The following KIAA1549L variants were observed in gnomAD, a reference collection of about 807,000 sequenced individuals.
The protein encoded by KIAA1549L is UPF0606 protein KIAA1549L.
A neutral mutation model predicts 160.7 loss-of-function variants in KIAA1549L; 88 were observed. That is an observed-to-expected ratio of 0.55 (90% CI 0.46 to 0.65). The LOEUF is 0.65. KIAA1549L is among the 30% of genes least tolerant of loss of function. The pLI is 0.00. For missense variants in KIAA1549L, 2,258 were observed against 2,437.5 expected, an observed-to-expected ratio of 0.93 and a Z score of 1.55; for synonymous variants, 950 against 976.7, an observed-to-expected ratio of 0.97 and a Z score of 0.51.
chr11:33,544,451 G>C lies in KIAA1549L; in HGVS notation c.2773+115G>C, dbSNP rs577553157. 40 of 1,133,458 alleles carry C rather than the reference G, an allele frequency of 3.5e-5. No homozygotes were observed. The Middle Eastern group carries it at 1.2e-3, about 33-fold the overall frequency. The allele number at this position is 1,133,458 out of a possible 1,614,324, so 70.2% of individuals were successfully genotyped here. A position where few individuals can be genotyped will look rare whatever the true frequency, so the allele number is the denominator to read the frequency against. ...CAGATACCAGCTTTGCTCTGAAGGA[G>C]CTCATACCCCCGATCAGGAATGAGT... On this transcript the variant is annotated intron_variant, in intron 2 of 20. Transcript: ENST00000658780.
intron 1 of KIAA1549L, among the ~76,000 whole-genome samples, chr11:33,396,998 C>A (rs1350190378): frequency 6.6e-6 from 1 of 150,794 alleles, no homozygotes; most frequent in Non-Finnish European, 1.5e-5. Context: ...GTTTTAAGCT[C>A]TCCTCTGTTT....
intron 1 of KIAA1549L, among the ~76,000 whole-genome samples, chr11:33,416,954 G>C (rs947006309): frequency 2.0e-5 from 3 of 152,108 alleles, no homozygotes; most frequent in Non-Finnish European, 2.9e-5. Context: ...ATTTTATCAG[G>C]TGACATTAGA....
chr11:33,530,431 AAAAAAATATATATATATATATAT>A lies in KIAA1549L; in HGVS notation c.239-11369_239-11347del, dbSNP rs1327897451. ...AGAAGAAGGAAAAAAAAAAAAAAAA[AAAAAAATATATATATATATATAT>A]ATATATATATATATATATATATATA... is the stretch of plus-strand genomic sequence containing the variant. On this transcript the variant is annotated intron_variant, in intron 1 of 20. Transcript: ENST00000658780. 4.0e-3 allele frequency among the ~76,000 whole-genome samples: 52 copies of A among 12,894 alleles called. 3 individuals carry two copies. The South Asian group carries it at 0.04, about 10-fold the overall frequency. The allele number at this position is 12,894 out of a possible 152,430, so 8.5% of individuals were successfully genotyped here. A position where few individuals can be genotyped will look rare whatever the true frequency, so the allele number is the denominator to read the frequency against.
In KIAA1549L at chr11:33,524,560, A is replaced by C. The variant is rs981609504; in HGVS notation, c.239-17242A>C. On this transcript the variant is annotated intron_variant, in intron 1 of 20. Transcript: ENST00000658780. ...ATATGAATAAAGAGTTTCTTCTAAA[A>C]AGTCTCTTTTAAAATTAAAACATTT... Among the ~76,000 whole-genome samples, 5 of 152,234 alleles carry C rather than the reference A, an allele frequency of 3.3e-5. No individual in the cohort carries two copies. In the East Asian group the frequency reaches 9.6e-4, roughly 29 times the overall value.
chr11:33,582,352 C>T (rs528953388), intron 10 of KIAA1549L, among the ~76,000 whole-genome samples: 4 of 152,304 alleles, frequency 2.6e-5, no homozygotes, highest in South Asian at 2.1e-4. Context: ...GGTCTCACCA[C>T]GTGGCACTTA....
intron 1 of KIAA1549L, among the ~76,000 whole-genome samples, chr11:33,393,369 G>A (rs138809243): frequency 1.1e-4 from 17 of 152,198 alleles, no homozygotes; most frequent in Non-Finnish European, 1.6e-4. Context: ...TCTGTCTCCT[G>A]GGCCATCCTT....
chr11:33,507,155 TC>T (rs1341316242), intron 1 of KIAA1549L, among the ~76,000 whole-genome samples: 1 of 152,092 alleles, frequency 6.6e-6, no homozygotes, highest in Non-Finnish European at 1.5e-5. Context: ...TACCACCAAA[TC>T]CCTTGCTGCT....
intron 16 of KIAA1549L, among the ~76,000 whole-genome samples, chr11:33,643,850 T>G (rs1294883697): frequency 6.6e-6 from 1 of 152,218 alleles, no homozygotes; most frequent in Non-Finnish European, 1.5e-5. Context: ...AAGGGTTGCA[T>G]TCGTGTTCTA....
chr11:33,634,248 G>T (rs1851380801), intron 16 of KIAA1549L, among the ~76,000 whole-genome samples: 1 of 151,550 alleles, frequency 6.6e-6, no homozygotes, highest in South Asian at 2.1e-4. Flanking sequence ...TCACCAGGTT[G>T]GGCAGGCTTA....
chr11:33,485,592 T>TA (rs1215099206), intron 1 of KIAA1549L, among the ~76,000 whole-genome samples: 1 of 152,228 alleles, frequency 6.6e-6, no homozygotes, highest in African/African-American at 2.4e-5. Context: ...AATGACTAGA[T>TA]AAAGCTAATT....
At chr11:33,389,230 G>A (rs780395635) in intron 1 of KIAA1549L, among the ~76,000 whole-genome samples, 4 of 152,162 alleles carry the variant, frequency 2.6e-5, no homozygotes, top group Non-Finnish European at 5.9e-5. Context: ...GCCTACCTCT[G>A]TCCCTAGTAA....
chr11:33,477,526 C>T (rs76796377), intron 1 of KIAA1549L, among the ~76,000 whole-genome samples: 3 of 152,038 alleles, frequency 2.0e-5, no homozygotes. Flanking sequence ...CACAAACACA[C>T]ACACACACAC....
rs199600450 is a variant in KIAA1549L, at chr11:33,544,268, C to T, written c.2705C>T (p.Ser902Leu). Residue 902 changes from serine (S) to leucine (L), a missense_variant, in exon 2 of 21, where the codon TCG (serine) becomes TTG (leucine). By Grantham distance (145) the Ser-to-Leu change is moderately radical. Coordinates refer to ENST00000658780, the MANE Select transcript of KIAA1549L (RefSeq NM_012194.3). ...GYHSAAESSI[S>L]TSVFPRTSSR... ...CACTCTGCTGCTGAATCTTCTATAT[C>T]GACCAGTGTCTTTCCCAGGACCTCC... 30 of 1,613,862 alleles carry T rather than the reference C, an allele frequency of 1.9e-5. No homozygotes were observed. Among genetic ancestry groups the T allele is most frequent in the Admixed American group, 3.3e-5 (2 of 60,006 alleles).
At chr11:33,564,831 G>T (rs1854994231) in intron 8 of KIAA1549L, among the ~76,000 whole-genome samples, 3 of 152,210 alleles carry the variant, frequency 2.0e-5, no homozygotes, top group African/African-American at 7.2e-5. Flanking sequence ...GATTCTTTTA[G>T]TGCTAAATGT....
Position 33,543,167 on chromosome 11 carries a change from C to T in KIAA1549L, c.1604C>T (p.Pro535Leu). Residue 535 changes from proline (P) to leucine (L), a missense_variant, in exon 2 of 21, where the codon CCT becomes CTT. Coordinates refer to ENST00000658780, the MANE Select transcript of KIAA1549L (RefSeq NM_012194.3). ...CCAGCAGAGGGCAGTGATGGGTCCC[C>T]TCCTGCAACTAGAGACTTGCTCCTC... is the stretch of plus-strand genomic sequence containing the variant. ...TLPAEGSDGS[P>L]PATRDLLLSS... 1 of 1,613,936 alleles carries T rather than the reference C, an allele frequency of 6.2e-7. No homozygotes were observed. The highest frequency in any genetic ancestry group is 8.5e-7 in the Non-Finnish European group (1 of 1,179,896).
intron 16 of KIAA1549L, among the ~76,000 whole-genome samples, chr11:33,644,057 C>T (rs1007820853): frequency 9.2e-5 from 14 of 152,158 alleles, no homozygotes; most frequent in Admixed American, 7.9e-4. Flanking sequence ...TGTTTATGAT[C>T]GCAAAGGTAA....
At chr11:33,451,949 A>G (rs906999650) in intron 1 of KIAA1549L, among the ~76,000 whole-genome samples, 2 of 152,204 alleles carry the variant, frequency 1.3e-5, no homozygotes, top group Non-Finnish European at 2.9e-5. Flanking sequence ...AGCTGAGGAA[A>G]CTGAGGCCAA....
chr11:33,427,353 G>A (rs1176670206), intron 1 of KIAA1549L, among the ~76,000 whole-genome samples: 2 of 152,116 alleles, frequency 1.3e-5, no homozygotes, highest in African/African-American at 4.8e-5. Context: ...CCCTTTGTGG[G>A]AGACAATATC....
intron 16 of KIAA1549L, among the ~76,000 whole-genome samples, chr11:33,635,970 C>T (rs867445287): frequency 1.3e-5 from 2 of 152,144 alleles, no homozygotes; most frequent in African/African-American, 2.4e-5. Context: ...ATAATTTATA[C>T]GTTTTAAATT....
Sources: gnomAD v4.1 joint callset for allele counts (sites outside exome capture counted in the v4.1 genomes callset) on GRCh38, gnomAD v4.1.1 for gene constraint, MANE v1.5 for transcripts, NCBI Gene and HGNC (gene_info 2026-07-23, HGNC 2026-07-21) for gene names.